EPB41L3: variants seen among roughly 807,000 people sequenced by gnomAD.
EPB41L3 encodes the protein erythrocyte membrane protein band 4.1 like 3.
In EPB41L3, 57 loss-of-function variants were observed where a neutral mutation model predicts 127.1. The ratio of observed to expected loss-of-function variants is 0.45; its 90% CI spans 0.36 to 0.56. EPB41L3 has a LOEUF of 0.56. Among genes scored for constraint, EPB41L3 ranks in the 20% least tolerant of loss-of-function variants. The pLI, the probability that EPB41L3 is intolerant of heterozygous loss-of-function variation, is 0.00. For missense variants in EPB41L3, 1,273 were observed against 1,372.2 expected (o/e 0.93, Z 1.14); for synonymous variants, 572 against 549.5 (o/e 1.04, Z -0.57).
intron 13 of EPB41L3, among the ~76,000 whole-genome samples, chr18:5,412,653 C>A (rs536494458): frequency 1.8e-4 from 28 of 152,262 alleles, no homozygotes; most frequent in Non-Finnish European, 3.2e-4. Flanking sequence ...AACTTGCAAG[C>A]ATTTTAGCAT....
At chr18:5,540,248 C>A (rs2093682789) in intron 1 of EPB41L3, 6 of 736,258 alleles carry the variant, frequency 8.1e-6, no homozygotes, top group Non-Finnish European at 1.0e-5. Context: ...AAAAAACAAA[C>A]AAACAAAAAA....
rs549586328 is a variant in EPB41L3, at chr18:5,460,738, A to G, written c.382-15494T>C. On this transcript the variant is annotated intron_variant, in intron 3 of 22. Transcript: ENST00000341928. ...GGAATAAACTCACTTCTTTTCACCTACCAAGTTGTTTTTGTGGCATGGACA... is the reference window on the plus strand; with the variant it reads ...GGAATAAACTCACTTCTTTTCACCTGCCAAGTTGTTTTTGTGGCATGGACA... Among the ~76,000 whole-genome samples, 5 of 152,256 alleles carry G rather than the reference A, an allele frequency of 3.3e-5. No individual in the cohort carries two copies. In the South Asian group the frequency reaches 8.3e-4, roughly 25 times the overall value.
Position 5,395,059 on chromosome 18 carries a change from C to T in EPB41L3, c.3153+8G>A. ...CTGCCAGGGTATTTACCGTCTCACA[C>T]ACACTACCTGGTCATGGTCAATGTC... On this transcript the variant is annotated splice_region_variant and intron_variant, in intron 21 of 22. Coordinates refer to ENST00000341928, the MANE Select transcript of EPB41L3 (RefSeq NM_012307.5). 1 of 1,613,816 alleles carries T rather than the reference C, an allele frequency of 6.2e-7. No homozygotes were observed. Among genetic ancestry groups the T allele is most frequent in the East Asian group, 2.2e-5 (1 of 44,878 alleles).
intron 5 of EPB41L3, among the ~76,000 whole-genome samples, chr18:5,442,148 T>C (rs1372906229): frequency 6.6e-6 from 1 of 152,204 alleles, no homozygotes; most frequent in Non-Finnish European, 1.5e-5. Context: ...AATGTTAGGA[T>C]ATATATTCAG....
chr18:5,571,312 G>A (rs568522158), intron 3 of EPB41L3, among the ~76,000 whole-genome samples: 2 of 152,240 alleles, frequency 1.3e-5, no homozygotes, highest in African/African-American at 4.8e-5. Flanking sequence ...AACCCAAAAT[G>A]TTCTATAGGT....
chr18:5,618,617 T>C (rs2094825345), intron 1 of EPB41L3, among the ~76,000 whole-genome samples: 1 of 152,220 alleles, frequency 6.6e-6, no homozygotes, highest in Non-Finnish European at 1.5e-5. Flanking sequence ...ATGTGCAAAC[T>C]GATACTTTAG....
chr18:5,603,310 C>A (rs1403460359), intron 3 of EPB41L3, among the ~76,000 whole-genome samples: 1 of 152,068 alleles, frequency 6.6e-6, no homozygotes, highest in Non-Finnish European at 1.5e-5. Flanking sequence ...AGCTAAGGCC[C>A]GCCTCCAACC....
chr18:5,442,841 A>G (rs910563394), intron 5 of EPB41L3, among the ~76,000 whole-genome samples: 3 of 152,218 alleles, frequency 2.0e-5, no homozygotes, highest in Admixed American at 6.5e-5. Flanking sequence ...AGTAATTACT[A>G]TTAAAACCTT....
intron 13 of EPB41L3, among the ~76,000 whole-genome samples, chr18:5,413,645 A>C (rs1256066417): frequency 6.6e-6 from 1 of 152,212 alleles, no homozygotes; most frequent in African/African-American, 2.4e-5. Flanking sequence ...GAATGACCTC[A>C]ATATGAGTTC....
At chr18:5,611,771 T>C (rs1001030146) in intron 3 of EPB41L3, among the ~76,000 whole-genome samples, 5 of 151,954 alleles carry the variant, frequency 3.3e-5, no homozygotes, top group Non-Finnish European at 7.4e-5. Flanking sequence ...CTACAAAAAA[T>C]TTTTAAAAAT....
intron 1 of EPB41L3, among the ~76,000 whole-genome samples, chr18:5,494,549 C>CG (rs1437913159): frequency 6.6e-6 from 1 of 151,944 alleles, no homozygotes; most frequent in East Asian, 1.9e-4. Context: ...CCCACCTACT[C>CG]GGGAGGCTGA....
At chr18:5,484,779 T>C (rs1341973730) in intron 2 of EPB41L3, among the ~76,000 whole-genome samples, 1 of 151,346 alleles carries the variant, frequency 6.6e-6, no homozygotes, top group African/African-American at 2.4e-5. Context: ...TCACCAAGAA[T>C]GAACTATGAA....
intron 1 of EPB41L3, among the ~76,000 whole-genome samples, chr18:5,501,618 T>C (rs2091756106): frequency 1.3e-5 from 2 of 152,214 alleles, no homozygotes; most frequent in Admixed American, 1.3e-4. Flanking sequence ...CCACAATTAA[T>C]TAACTAAGTG....
chr18:5,578,948 T>A (rs941003090), intron 3 of EPB41L3, among the ~76,000 whole-genome samples: 2 of 152,204 alleles, frequency 1.3e-5, no homozygotes, highest in Non-Finnish European at 2.9e-5. Flanking sequence ...GAGTTACAGT[T>A]ACCTTCAACA....
intron 3 of EPB41L3, among the ~76,000 whole-genome samples, chr18:5,449,824 A>T (rs1417366091): frequency 6.6e-6 from 1 of 152,248 alleles, no homozygotes. Flanking sequence ...GATAGTAGTG[A>T]ATGCTACATA....
chr18:5,399,479 T>G, intron 16 of EPB41L3: 1 of 397,766 alleles, frequency 2.5e-6, no homozygotes, highest in Non-Finnish European at 4.4e-6. Context: ...AACTGCTACA[T>G]GCAGGTCTGT....
At chr18:5,442,794 C>T (rs553228847) in intron 5 of EPB41L3, among the ~76,000 whole-genome samples, 74 of 152,232 alleles carry the variant, frequency 4.9e-4, no homozygotes, top group African/African-American at 1.7e-3. Flanking sequence ...TTTAAAAACT[C>T]CTCCTTCTCA....
At chr18:5,450,576 AAGAG>A (rs1399481177) in intron 3 of EPB41L3, among the ~76,000 whole-genome samples, 1 of 152,130 alleles carries the variant, frequency 6.6e-6, no homozygotes, top group Non-Finnish European at 1.5e-5. Context: ...ACTAACTAAA[AAGAG>A]AAAGACAAAA....
chr18:5,524,647 ATC>A (rs1162407727), intron 1 of EPB41L3, among the ~76,000 whole-genome samples: 2 of 152,124 alleles, frequency 1.3e-5, no homozygotes, highest in Non-Finnish European at 2.9e-5. Context: ...ACGTAATTCA[ATC>A]TCTCTTCTTG....
Sources: allele counts gnomAD v4.1 joint callset (sites outside exome capture counted in the v4.1 genomes callset), GRCh38; gene constraint gnomAD v4.1.1; transcripts MANE v1.5; gene names NCBI Gene and HGNC (gene_info 2026-07-23, HGNC 2026-07-21).